The following MAPK9 variants were observed in gnomAD, a reference collection of about 807,000 sequenced individuals.
MAPK9 encodes Jun kinase.
Under a neutral mutation model 57.1 loss-of-function variants are expected in MAPK9, and 30 were observed. The observed-to-expected ratio is 0.53, with a 90% CI of 0.39 to 0.71. The LOEUF is 0.71. Among genes scored for constraint, MAPK9 ranks in the 30% least tolerant of loss-of-function variants. The probability of loss-of-function intolerance (pLI) is 0.00; values close to 1 mark genes in which losing one functional copy is unlikely to be tolerated. For synonymous variants in MAPK9, 155 were observed against 177.0 expected (o/e 0.88, Z 0.99); for missense variants, 362 against 521.0 (o/e 0.69, Z 2.97).
intron 8 of MAPK9, among the ~76,000 whole-genome samples, chr5:180,241,390 C>T (rs964454669): frequency 1.3e-5 from 2 of 152,002 alleles, no homozygotes; most frequent in South Asian, 2.1e-4. Flanking sequence ...TTCCACCTCC[C>T]GGGTTCACGC....
chr5:180,255,021 G>A (rs1041021076), intron 5 of MAPK9, among the ~76,000 whole-genome samples: 16 of 152,010 alleles, frequency 1.1e-4, no homozygotes, highest in African/African-American at 3.9e-4. Flanking sequence ...GCGACAGAGC[G>A]AGACTCCATC....
At chr5:180,279,504 A>G (rs1353280644) in intron 2 of MAPK9, among the ~76,000 whole-genome samples, 1 of 152,116 alleles carries the variant, frequency 6.6e-6, no homozygotes, top group Non-Finnish European at 1.5e-5. Context: ...ATCAGTTAAA[A>G]ATCATCGTTA....
At chr5:180,259,470 T>C (rs1009803350) in intron 5 of MAPK9, among the ~76,000 whole-genome samples, 4 of 152,120 alleles carry the variant, frequency 2.6e-5, no homozygotes, top group African/African-American at 4.8e-5. Flanking sequence ...CTGTAAGGAA[T>C]GTGGTCAAGT....
intron 1 of MAPK9, among the ~76,000 whole-genome samples, chr5:180,286,468 T>G (rs1452727996): frequency 1.3e-5 from 2 of 151,756 alleles, no homozygotes; most frequent in Admixed American, 1.3e-4. Context: ...TTATGAAGAA[T>G]AGCTTGGTAT....
At chr5:180,278,277 C>T (rs34256021) in intron 2 of MAPK9, among the ~76,000 whole-genome samples, 13 of 152,238 alleles carry the variant, frequency 8.5e-5, no homozygotes, top group Non-Finnish European at 1.6e-4. Flanking sequence ...CCTAGTCCTT[C>T]GATTCACCAC....
intron 1 of MAPK9, among the ~76,000 whole-genome samples, chr5:180,289,585 A>C (rs575105470): frequency 1.6e-4 from 25 of 152,226 alleles, no homozygotes; most frequent in African/African-American, 6.0e-4. Flanking sequence ...TAAGAAACAG[A>C]CTACTTAGAC....
At position 180,291,854 on chromosome 5, in the gene MAPK9, T is replaced by G. The variant is rs1293491947; in HGVS notation, c.-54A>C. 6.9e-6 allele frequency: 1 copy of G among 145,652 alleles called. No individual in the cohort carries two copies. Among genetic ancestry groups the G allele is most frequent in the Non-Finnish European group, 1.5e-5 (1 of 65,528 alleles). The allele number at this position is 145,652 out of a possible 1,614,324, so 9.0% of individuals were successfully genotyped here. A position where few individuals can be genotyped will look rare whatever the true frequency, so the allele number is the denominator to read the frequency against. ...GCCCGCCCGCCGGGCTCACCTCGCC[T>G]CCCCGCCGCCGCGCCACGGGGAGAG... On this transcript the variant is annotated 5_prime_UTR_variant, in exon 1 of 12. Transcript: ENST00000452135.
At chr5:180,284,595 A>C (rs368820430) in intron 1 of MAPK9, among the ~76,000 whole-genome samples, 40 of 152,382 alleles carry the variant, frequency 2.6e-4, no homozygotes, top group East Asian at 2.3e-3. Flanking sequence ...GATCTGGCTA[A>C]TAAAAATGTT....
chr5:180,291,284 A>G (rs749894082), intron 1 of MAPK9, among the ~76,000 whole-genome samples: 35 of 143,510 alleles, frequency 2.4e-4, no homozygotes, highest in Non-Finnish European at 5.4e-4. Context: ...ATGACAAGGC[A>G]AGAGAGGAGT....
At chr5:180,285,780 A>AATC (rs1032816933) in intron 1 of MAPK9, among the ~76,000 whole-genome samples, 1 of 151,916 alleles carries the variant, frequency 6.6e-6, no homozygotes, top group Non-Finnish European at 1.5e-5. Context: ...TAATAATAAT[A>AATC]ATAATAGTAA....
At chr5:180,283,456 C>T (rs546719018) in intron 1 of MAPK9, among the ~76,000 whole-genome samples, 30 of 152,348 alleles carry the variant, frequency 2.0e-4, no homozygotes, top group African/African-American at 6.7e-4. Flanking sequence ...AGCCACCCCC[C>T]ATTCAGGACC....
intron 5 of MAPK9, among the ~76,000 whole-genome samples, 167 bp downstream of exon 5, chr5:180,261,517 G>A (rs775161959): frequency 1.3e-5 from 2 of 152,168 alleles, no homozygotes; most frequent in African/African-American, 4.8e-5. Context: ...CAGGCCAGGC[G>A]GCTCCACAGA....
chr5:180,251,816 C>A (rs557035402), intron 5 of MAPK9, among the ~76,000 whole-genome samples: 1 of 152,224 alleles, frequency 6.6e-6, no homozygotes, highest in South Asian at 2.1e-4. Context: ...ACCCACAGCA[C>A]CCGCAGCATG....
chr5:180,274,570 T>C (rs1761646005), intron 2 of MAPK9, among the ~76,000 whole-genome samples: 1 of 152,146 alleles, frequency 6.6e-6, no homozygotes, highest in Non-Finnish European at 1.5e-5. Flanking sequence ...ACCACAGACC[T>C]AAAGCTGTAA....
At chr5:180,250,778 C>G (rs35588458) in intron 5 of MAPK9, among the ~76,000 whole-genome samples, 17,974 of 152,160 alleles carry the variant, frequency 0.12, 1,206 homozygotes, top group Non-Finnish European at 0.14. Context: ...AAAGAGGCCC[C>G]CAGCCCCTCC....
At chr5:180,248,111 T>A (rs1427729536) in intron 6 of MAPK9, among the ~76,000 whole-genome samples, 1 of 152,236 alleles carries the variant, frequency 6.6e-6, no homozygotes, top group African/African-American at 2.4e-5. Context: ...CAGCACTCAC[T>A]GGCGGCACAG....
At chr5:180,274,355 G>A (rs377703412) in intron 2 of MAPK9, among the ~76,000 whole-genome samples, 4 of 152,190 alleles carry the variant, frequency 2.6e-5, no homozygotes, top group Non-Finnish European at 5.9e-5. Context: ...TTATCCAGGT[G>A]GGCCTATTCT....
At chr5:180,257,948 G>T (rs1759470996) in intron 5 of MAPK9, 1 of 161,544 alleles carries the variant, frequency 6.2e-6, no homozygotes, top group African/African-American at 2.4e-5. Flanking sequence ...CTACATGCAT[G>T]GGAGAAACGT....
chr5:180,258,707 C>A (rs969491627), intron 5 of MAPK9, among the ~76,000 whole-genome samples: 2 of 151,894 alleles, frequency 1.3e-5, no homozygotes, highest in African/African-American at 4.8e-5. Context: ...CATGAGAGAA[C>A]TCATACTGGA....
Sources: gnomAD v4.1 joint callset for allele counts (sites outside exome capture counted in the v4.1 genomes callset) on GRCh38, gnomAD v4.1.1 for gene constraint, MANE v1.5 for transcripts, NCBI Gene and HGNC (gene_info 2026-07-23, HGNC 2026-07-21) for gene names.